The following DIAPH3 variants were observed in gnomAD, a reference collection of about 807,000 sequenced individuals.
DIAPH3 encodes the protein protein diaphanous homolog 3.
Under a neutral mutation model 144.3 loss-of-function variants are expected in DIAPH3, and 117 were observed. The ratio of observed to expected loss-of-function variants is 0.81; its 90% CI spans 0.70 to 0.95. The LOEUF is 0.95. DIAPH3 is among the 40% of genes least tolerant of loss of function. The probability of loss-of-function intolerance (pLI) is 0.00; values close to 1 mark genes in which losing one functional copy is unlikely to be tolerated. For missense variants in DIAPH3, 1,421 were observed against 1,412.7 expected, an observed-to-expected ratio of 1.01 and a Z score of -0.09; for synonymous variants, 519 against 488.9, an observed-to-expected ratio of 1.06 and a Z score of -0.81.
At chr13:59,722,898 G>A (rs1179654542) in intron 27 of DIAPH3, among the ~76,000 whole-genome samples, 3 of 152,096 alleles carry the variant, frequency 2.0e-5, no homozygotes, top group Admixed American at 1.3e-4. Context: ...TAATGACCCC[G>A]AATCCACTTA....
At position 60,152,261 on chromosome 13, in the gene DIAPH3, G is replaced by A. The variant is rs939907479; in HGVS notation, c.180+11326C>T. Reference sequence around the variant, plus strand: ...TAACTCCTTTGACAGAACTATGACTGAACAGGTATTCAGTCTTCTTTAATT... The same window carrying A: ...TAACTCCTTTGACAGAACTATGACTAAACAGGTATTCAGTCTTCTTTAATT... On this transcript the variant is annotated intron_variant, in intron 1 of 27. Transcript: ENST00000400324. Among the ~76,000 whole-genome samples the A allele has an allele frequency of 3.1e-4, 47 of 152,092 alleles. 2 individuals carry two copies. The highest frequency in any genetic ancestry group is 2.9e-5 in the Non-Finnish European group (2 of 67,992).
chr13:59,774,651 C>A, intron 26 of DIAPH3, 77 bp downstream of exon 26: 3 of 1,420,188 alleles, frequency 2.1e-6, no homozygotes, highest in Non-Finnish European at 3.0e-6. Context: ...CACACAACTT[C>A]AAAAGAATGA....
chr13:59,714,321 C>T (rs1336553255), intron 27 of DIAPH3, among the ~76,000 whole-genome samples: 1 of 146,604 alleles, frequency 6.8e-6, no homozygotes, highest in African/African-American at 2.6e-5. Context: ...GATCCCGCCA[C>T]TGCACTCCAG....
intron 3 of DIAPH3, among the ~76,000 whole-genome samples, chr13:60,105,016 A>G (rs1314769273): frequency 1.4e-5 from 2 of 146,128 alleles, no homozygotes; most frequent in East Asian, 2.0e-4. Flanking sequence ...GAACGGCGTG[A>G]ACCCAGGAGG....
intron 27 of DIAPH3, among the ~76,000 whole-genome samples, chr13:59,728,913 AAAG>A (rs1208110339): frequency 1.3e-5 from 2 of 152,160 alleles, no homozygotes; most frequent in African/African-American, 4.8e-5. Context: ...AGAAAGCTCC[AAAG>A]AAGGGCTGTG....
intron 14 of DIAPH3, 127 bp downstream of exon 14, chr13:59,980,668 G>A: frequency 1.2e-6 from 1 of 817,534 alleles, no homozygotes; most frequent in Non-Finnish European, 2.0e-6. Flanking sequence ...CCTTGGTGGA[G>A]GGCATCTATG....
At chr13:59,967,985 A>T (rs926390801) in intron 17 of DIAPH3, among the ~76,000 whole-genome samples, 3 of 152,210 alleles carry the variant, frequency 2.0e-5, no homozygotes, top group African/African-American at 7.2e-5. Context: ...AAGTCAAGTA[A>T]AGAGATTCCA....
intron 21 of DIAPH3, among the ~76,000 whole-genome samples, chr13:59,867,982 C>G (rs17728679): frequency 0.057 from 8,681 of 152,068 alleles, 302 homozygotes; most frequent in Admixed American, 0.1. Flanking sequence ...GCTTCAGCAA[C>G]TATATCAGCA....
chr13:59,954,155 T>C (rs1241073660), intron 17 of DIAPH3, among the ~76,000 whole-genome samples: 1 of 152,182 alleles, frequency 6.6e-6, no homozygotes, highest in Non-Finnish European at 1.5e-5. Context: ...ACAAAAGTTA[T>C]GAAGTCAAAA....
chr13:59,875,182 A>G (rs535128802), intron 21 of DIAPH3, among the ~76,000 whole-genome samples: 3 of 152,198 alleles, frequency 2.0e-5, no homozygotes, highest in African/African-American at 7.2e-5. Context: ...TAATTTCTAA[A>G]GATATGTTTT....
chr13:59,867,281 G>A, intron 21 of DIAPH3, among the ~76,000 whole-genome samples: 1 of 151,132 alleles, frequency 6.6e-6, no homozygotes, highest in Non-Finnish European at 1.5e-5. Context: ...AGATGACAGA[G>A]TGAGACCTGG....
At chr13:59,708,300 T>A (rs1052663862) in intron 27 of DIAPH3, among the ~76,000 whole-genome samples, 2 of 152,106 alleles carry the variant, frequency 1.3e-5, no homozygotes, top group Admixed American at 1.3e-4. Flanking sequence ...TCCAGCCTCA[T>A]CCTCTCTTTC....
At chr13:60,130,239 G>A (rs563347621) in intron 2 of DIAPH3, among the ~76,000 whole-genome samples, 1 of 152,162 alleles carries the variant, frequency 6.6e-6, no homozygotes, top group Non-Finnish European at 1.5e-5. Context: ...GTTGAAGATA[G>A]CCATGCTTAT....
In DIAPH3 at chr13:59,861,530, C is replaced by T; in HGVS notation, c.2614G>A (p.Asp872Asn). The T allele has an allele frequency of 1.2e-6, 2 of 1,613,576 alleles. No individual in the cohort carries two copies. Among genetic ancestry groups the T allele is most frequent in the Non-Finnish European group, 1.7e-6 (2 of 1,179,810 alleles). The change falls in exon 22 of 28, where the codon GAC becomes AAC. Residue 872 changes from aspartate (D) to asparagine (N), a missense_variant. By Grantham distance (23) the Asp-to-Asn change is conservative. Coordinates refer to ENST00000400324, the MANE Select transcript of DIAPH3 (RefSeq NM_001042517.2). ...FNLSSLCKLK[D>N]TKSADQKTTL... ...GTTTTCTGATCTGCTGATTTTGTGT[C>T]CTTTAGCTAAATAGAACAGGAGGGA...
intron 1 of DIAPH3, among the ~76,000 whole-genome samples, chr13:60,143,651 C>A (rs6562074): frequency 0.25 from 37,549 of 152,122 alleles, 5,525 homozygotes; most frequent in Admixed American, 0.38. Flanking sequence ...CCATCTAAAT[C>A]CATTTTAAAT....
At chr13:59,944,401 T>G (rs1451981273) in intron 17 of DIAPH3, among the ~76,000 whole-genome samples, 2 of 152,188 alleles carry the variant, frequency 1.3e-5, no homozygotes, top group Non-Finnish European at 2.9e-5. Context: ...TATAAATATA[T>G]GCATTTGTAT....
At chr13:60,022,566 G>A (rs1035965383) in intron 5 of DIAPH3, among the ~76,000 whole-genome samples, 1 of 152,122 alleles carries the variant, frequency 6.6e-6, no homozygotes, top group Non-Finnish European at 1.5e-5. Context: ...ATCCTTCACT[G>A]CCTGTTCCTA....
At chr13:59,875,327 G>A (rs753791666) in intron 21 of DIAPH3, among the ~76,000 whole-genome samples, 27 of 152,010 alleles carry the variant, frequency 1.8e-4, no homozygotes, top group Admixed American at 8.5e-4. Context: ...TTTCTGCAAG[G>A]TTTATCCTTT....
At chr13:59,985,144 C>T (rs1301103772) in intron 12 of DIAPH3, among the ~76,000 whole-genome samples, 3 of 140,828 alleles carry the variant, frequency 2.1e-5, no homozygotes, top group East Asian at 4.1e-4. Flanking sequence ...GGGCTTCATC[C>T]CTGGGATGCA....
Sources: gnomAD v4.1 joint callset for allele counts (sites outside exome capture counted in the v4.1 genomes callset) on GRCh38, gnomAD v4.1.1 for gene constraint, MANE v1.5 for transcripts, NCBI Gene and HGNC (gene_info 2026-07-23, HGNC 2026-07-21) for gene names.